AKT3: variants seen among roughly 807,000 people sequenced by gnomAD.
AKT3 encodes the protein AKT serine/threonine kinase 3.
Under a neutral mutation model 65.3 loss-of-function variants are expected in AKT3, and 15 were observed. The observed-to-expected ratio is 0.23, with a 90% confidence interval of 0.15 to 0.35. The LOEUF (loss-of-function observed/expected upper bound fraction) is 0.35, where lower values mean the gene tolerates loss of function less well. Among genes scored for constraint, AKT3 ranks in the 10% least tolerant of loss-of-function variants. The probability of loss-of-function intolerance (pLI) is 1.00; values close to 1 mark genes in which losing one functional copy is unlikely to be tolerated. For missense variants in AKT3, 243 were observed against 576.5 expected, an observed-to-expected ratio of 0.42 and a Z score of 5.92; for synonymous variants, 206 against 183.8, an observed-to-expected ratio of 1.12 and a Z score of -0.98.
At chr1:243,512,090 C>A (rs1436573902) in intron 13 of AKT3, among the ~76,000 whole-genome samples, 1 of 152,306 alleles carries the variant, frequency 6.6e-6, no homozygotes, top group South Asian at 2.1e-4. Flanking sequence ...CAATTTCTCT[C>A]TATATAATTT....
chr1:243,839,083 A>G (rs754488921), intron 2 of AKT3, among the ~76,000 whole-genome samples: 5 of 152,158 alleles, frequency 3.3e-5, no homozygotes, highest in Non-Finnish European at 7.4e-5. Context: ...ATAAAAGACT[A>G]CTTAGGTTTT....
At chr1:243,507,797 C>T (rs999835781) in intron 13 of AKT3, among the ~76,000 whole-genome samples, 9 of 152,150 alleles carry the variant, frequency 5.9e-5, no homozygotes, top group South Asian at 2.1e-4. Context: ...GCAGTAAAAG[C>T]GACCAGATCT....
intron 3 of AKT3, among the ~76,000 whole-genome samples, chr1:243,684,009 G>A (rs1684100226): frequency 6.6e-6 from 1 of 152,090 alleles, no homozygotes; most frequent in South Asian, 2.1e-4. Flanking sequence ...GTCTTCCAAA[G>A]CCCAGGGTTT....
chr1:243,559,783 T>A (rs893182377), intron 10 of AKT3, among the ~76,000 whole-genome samples: 2 of 152,110 alleles, frequency 1.3e-5, no homozygotes, highest in African/African-American at 4.8e-5. Context: ...CAGTGAGTCA[T>A]TCACAAGAGA....
At chr1:243,577,533 AC>A (rs1675028847) in intron 8 of AKT3, among the ~76,000 whole-genome samples, 1 of 152,182 alleles carries the variant, frequency 6.6e-6, no homozygotes, top group Non-Finnish European at 1.5e-5. Flanking sequence ...TATACCTTAT[AC>A]AAAAATTAAC....
intron 5 of AKT3, among the ~76,000 whole-genome samples, chr1:243,643,136 G>A (rs2290753): frequency 0.51 from 76,899 of 152,018 alleles, 23,443 homozygotes; most frequent in Non-Finnish European, 0.67. Flanking sequence ...TTCATGCAGT[G>A]TGAGATCATG....
intron 6 of AKT3, among the ~76,000 whole-genome samples, chr1:243,622,654 C>T (rs867798464): frequency 2.0e-5 from 3 of 152,144 alleles, no homozygotes; most frequent in East Asian, 1.9e-4. Flanking sequence ...AGAAGCTACA[C>T]GAACTACATG....
chr1:243,849,928 C>A (rs977894920), intron 1 of AKT3, 112 bp downstream of exon 1: 93 of 807,246 alleles, frequency 1.2e-4, no homozygotes, highest in Non-Finnish European at 1.3e-4. Flanking sequence ...TCACCCCACC[C>A]CGCCGCCATC....
intron 4 of AKT3, among the ~76,000 whole-genome samples, chr1:243,651,887 A>G (rs574255474): frequency 5.3e-5 from 8 of 152,154 alleles, no homozygotes; most frequent in African/African-American, 1.7e-4. Flanking sequence ...AGGTTTCACC[A>G]AAGTCAAAAT....
chr1:243,589,786 G>A (rs1447590594), intron 8 of AKT3, among the ~76,000 whole-genome samples: 1 of 152,094 alleles, frequency 6.6e-6, no homozygotes, highest in East Asian at 1.9e-4. Flanking sequence ...AGGACTGCAG[G>A]TATCTCTATT....
chr1:243,720,774 CCTTTT>C (rs1408730865), intron 2 of AKT3, among the ~76,000 whole-genome samples: 2 of 152,152 alleles, frequency 1.3e-5, no homozygotes, highest in African/African-American at 2.4e-5. Context: ...TTGTCCTTTT[CCTTTT>C]ATTTTTTACG....
Position 243,525,601 on chromosome 1 carries a change from A to G in AKT3, c.1252-13175T>C, listed in dbSNP as rs189928838. Among the ~76,000 whole-genome samples the G allele has an allele frequency of 2.7e-5, 4 of 149,236 alleles. No individual in the cohort carries two copies. In the East Asian group the frequency reaches 8.1e-4, roughly 30 times the overall value. ...AAAACCTAAAATAAAAAAAAATAAAATATCTGAAATAAGAAATTCTCTCTA... is the reference window on the plus strand; with the variant it reads ...AAAACCTAAAATAAAAAAAAATAAAGTATCTGAAATAAGAAATTCTCTCTA... On this transcript the variant is annotated intron_variant, in intron 12 of 13. Transcript: ENST00000673466.
At chr1:243,847,872 T>C (rs1292579625) in intron 1 of AKT3, among the ~76,000 whole-genome samples, 3 of 152,176 alleles carry the variant, frequency 2.0e-5, no homozygotes, top group Non-Finnish European at 4.4e-5. Context: ...TAAAGTACTC[T>C]GACATATACA....
At chr1:243,495,611 G>T (rs1365652694), downstream of AKT3, among the ~76,000 whole-genome samples, 1 of 152,206 alleles carries the variant, frequency 6.6e-6, no homozygotes, top group African/African-American at 2.4e-5. Flanking sequence ...GAGAACTTCA[G>T]TCGCTGTGCT....
chr1:243,614,996 G>A, intron 7 of AKT3, 100 bp downstream of exon 7: 2 of 845,914 alleles, frequency 2.4e-6, no homozygotes, highest in Non-Finnish European at 3.7e-6. Flanking sequence ...AAGAAAATGA[G>A]ATATCTAAAT....
chr1:243,604,124 G>T (rs998443041), intron 8 of AKT3, among the ~76,000 whole-genome samples: 1 of 151,858 alleles, frequency 6.6e-6, no homozygotes, highest in African/African-American at 2.4e-5. Context: ...CAAACTCCTG[G>T]CCTCAGGTGA....
chr1:243,752,458 CATA>C (rs1410175137), intron 2 of AKT3, among the ~76,000 whole-genome samples: 1 of 152,076 alleles, frequency 6.6e-6, no homozygotes, highest in East Asian at 1.9e-4. Context: ...CTAAATTTCA[CATA>C]ATAATAGGTT....
At chr1:243,496,526 C>A (rs2148310750), downstream of AKT3, among the ~76,000 whole-genome samples, 2 of 152,308 alleles carry the variant, frequency 1.3e-5, 1 homozygote, top group South Asian at 4.1e-4. Flanking sequence ...AGACAGCGTG[C>A]CAGTGAGCAG....
intron 3 of AKT3, among the ~76,000 whole-genome samples, chr1:243,676,025 A>G (rs137938108): frequency 3.5e-4 from 53 of 152,320 alleles, no homozygotes; most frequent in African/African-American, 1.1e-3. Flanking sequence ...CAAGGTGCCT[A>G]TTTTCCATAA....
Sources: gnomAD v4.1 joint callset for allele counts (sites outside exome capture counted in the v4.1 genomes callset) on GRCh38, gnomAD v4.1.1 for gene constraint, MANE v1.5 for transcripts, NCBI Gene and HGNC (gene_info 2026-07-23, HGNC 2026-07-21) for gene names.